The following DSCAM variants were observed in gnomAD, a reference collection of about 807,000 sequenced individuals.
DSCAM encodes the protein cell adhesion molecule DSCAM.
A neutral mutation model predicts 217.7 loss-of-function variants in DSCAM; 47 were observed. The observed-to-expected ratio is 0.22, with a 90% CI of 0.17 to 0.28. The LOEUF (loss-of-function observed/expected upper bound fraction) is 0.28. Among genes scored for constraint, DSCAM ranks in the 10% least tolerant of loss-of-function variants. DSCAM has a pLI of 1.00. For synonymous variants in DSCAM, 1,056 were observed against 1,015.3 expected (o/e 1.04, Z -0.76); for missense variants, 2,080 against 2,618.3 (o/e 0.79, Z 4.49).
chr21:40,150,228 G>A (rs377470893), intron 16 of DSCAM, among the ~76,000 whole-genome samples: 18 of 152,332 alleles, frequency 1.2e-4, no homozygotes, highest in Admixed American at 3.3e-4. Flanking sequence ...GGTATTAACC[G>A]CTCATAGAGC....
intron 3 of DSCAM, among the ~76,000 whole-genome samples, chr21:40,441,431 T>C (rs991548789): frequency 6.6e-6 from 1 of 152,210 alleles, no homozygotes; most frequent in African/African-American, 2.4e-5. Context: ...ATCCAAGATA[T>C]AGATATTTAC....
In DSCAM at chr21:40,187,065, TA is replaced by T. The variant is rs1400152484; in HGVS notation, c.2779+65del. ...CTGTGCGCTTACAGGTAAAACACAT[TA>T]ATAAGGAGAAAAATAAAAGAACTTT... On this transcript the variant is annotated intron_variant, in intron 14 of 32. Coordinates refer to ENST00000400454, the MANE Select transcript of DSCAM (RefSeq NM_001389.5). The T allele has an allele frequency of 1.4e-5, 23 of 1,590,650 alleles. No homozygotes were observed. In the African/African-American group the frequency reaches 2.6e-4, roughly 18 times the overall value.
intron 1 of DSCAM, among the ~76,000 whole-genome samples, chr21:40,755,281 A>G (rs2091264515): frequency 6.6e-6 from 1 of 152,234 alleles, no homozygotes; most frequent in African/African-American, 2.4e-5. Flanking sequence ...CACTGTCTCT[A>G]CTAAAAATAC....
At chr21:40,459,670 T>C (rs2075790528) in intron 3 of DSCAM, among the ~76,000 whole-genome samples, 1 of 152,050 alleles carries the variant, frequency 6.6e-6, no homozygotes, top group Non-Finnish European at 1.5e-5. Context: ...GAACACAATA[T>C]CCTAAAGAAA....
intron 3 of DSCAM, among the ~76,000 whole-genome samples, chr21:40,601,985 T>C (rs1419459138): frequency 1.3e-5 from 2 of 152,072 alleles, no homozygotes; most frequent in Non-Finnish European, 2.9e-5. Context: ...GTGATGTCTT[T>C]ATCTGTTTTG....
chr21:40,328,710 T>G (rs1400778399), intron 8 of DSCAM, among the ~76,000 whole-genome samples: 1 of 151,446 alleles, frequency 6.6e-6, no homozygotes, highest in Non-Finnish European at 1.5e-5. Flanking sequence ...AACCTATATA[T>G]AGAAGGAAAG....
At chr21:40,244,738 G>A (rs2073199626) in intron 11 of DSCAM, among the ~76,000 whole-genome samples, 1 of 152,134 alleles carries the variant, frequency 6.6e-6, no homozygotes, top group African/African-American at 2.4e-5. Context: ...GGAAACGTGA[G>A]CCAGAAAAGC....
chr21:40,318,823 G>C (rs1374534386), intron 8 of DSCAM, among the ~76,000 whole-genome samples: 4 of 152,090 alleles, frequency 2.6e-5, no homozygotes, highest in Non-Finnish European at 5.9e-5. Context: ...TCCCTTCTTA[G>C]CCTCTCACTC....
chr21:40,679,921 C>A (rs1377629371), intron 3 of DSCAM, among the ~76,000 whole-genome samples: 1 of 152,168 alleles, frequency 6.6e-6, no homozygotes, highest in Non-Finnish European at 1.5e-5. Flanking sequence ...ACAAGCCTCA[C>A]ACAAACAACG....
At chr21:40,221,448 CAT>C (rs1470503594) in intron 11 of DSCAM, among the ~76,000 whole-genome samples, 13 of 147,912 alleles carry the variant, frequency 8.8e-5, no homozygotes, top group African/African-American at 1.5e-4. Context: ...ATATAAATAA[CAT>C]AAAATATATA....
rs151030294 is a variant in DSCAM, at chr21:40,644,926, A to C, written c.508+47884T>G. ...TTCAAAATACAACTGCCAAATTTTA[A>C]AAATTGTTTTCAAGTTACTAAAGCC... On this transcript the variant is annotated intron_variant, in intron 3 of 32. Coordinates refer to ENST00000400454, the MANE Select transcript of DSCAM (RefSeq NM_001389.5). 8.8e-3 allele frequency among the ~76,000 whole-genome samples: 1,344 copies of C among 152,294 alleles called. 17 individuals carry two copies. Among genetic ancestry groups the C allele is most frequent in the African/African-American group, 0.03 (1,253 of 41,546 alleles).
chr21:40,040,424 G>A (rs1601258289), intron 32 of DSCAM, among the ~76,000 whole-genome samples: 2 of 152,250 alleles, frequency 1.3e-5, no homozygotes, highest in South Asian at 4.2e-4. Context: ...TGCACAAATA[G>A]GACAGTCTTT....
chr21:40,836,795 AGAC>A (rs1248311344), intron 1 of DSCAM, among the ~76,000 whole-genome samples: 1 of 152,212 alleles, frequency 6.6e-6, no homozygotes, highest in Non-Finnish European at 1.5e-5. Flanking sequence ...CAGAGCTGGA[AGAC>A]GACATAACAA....
At chr21:40,656,685 G>T (rs905066391) in intron 3 of DSCAM, among the ~76,000 whole-genome samples, 2 of 152,052 alleles carry the variant, frequency 1.3e-5, no homozygotes, top group South Asian at 2.1e-4. Flanking sequence ...TCTCTTCCTC[G>T]CTGTCTTTGA....
At chr21:40,070,287 A>G (rs1601296375) in intron 27 of DSCAM, among the ~76,000 whole-genome samples, 4 of 109,324 alleles carry the variant, frequency 3.7e-5, no homozygotes, top group Admixed American at 1.1e-4. Flanking sequence ...GGAGGGAGGG[A>G]GGGAGGGAAG....
intron 19 of DSCAM, among the ~76,000 whole-genome samples, chr21:40,126,155 A>T (rs570325405): frequency 9.2e-5 from 14 of 152,254 alleles, no homozygotes; most frequent in Non-Finnish European, 1.5e-5. Flanking sequence ...ACTACTTTGG[A>T]AAGCCTTCCT....
chr21:40,166,855 G>A (rs981103978), intron 16 of DSCAM, among the ~76,000 whole-genome samples: 16 of 151,992 alleles, frequency 1.1e-4, no homozygotes, highest in African/African-American at 3.9e-4. Context: ...GTCTGCCACC[G>A]CATGCTTTGC....
At chr21:40,106,524 G>C (rs1270661558) in intron 20 of DSCAM, among the ~76,000 whole-genome samples, 1 of 152,144 alleles carries the variant, frequency 6.6e-6, no homozygotes, top group African/African-American at 2.4e-5. Flanking sequence ...TAGATTTTTT[G>C]GAATAGTTTC....
chr21:40,282,448 G>A (rs892987998), intron 10 of DSCAM, among the ~76,000 whole-genome samples: 2 of 151,418 alleles, frequency 1.3e-5, no homozygotes, highest in Non-Finnish European at 3.0e-5. Flanking sequence ...AAAATTAGCC[G>A]GGCGTGGTAG....
Sources: allele counts gnomAD v4.1 joint callset (sites outside exome capture counted in the v4.1 genomes callset), GRCh38; gene constraint gnomAD v4.1.1; transcripts MANE v1.5; gene names NCBI Gene and HGNC (gene_info 2026-07-23, HGNC 2026-07-21).